DOCK5: variants seen among roughly 807,000 people sequenced by gnomAD.
DOCK5 encodes dedicator of cytokinesis protein 5.
In DOCK5, 142 loss-of-function variants were observed where a neutral mutation model predicts 251.8. That is an observed-to-expected ratio of 0.56 (90% confidence interval 0.49 to 0.65). DOCK5 has a LOEUF of 0.65. Ranked by LOEUF, DOCK5 falls within the 30% of genes least tolerant of loss-of-function variation. The pLI is 0.00. For synonymous variants in DOCK5, 842 were observed against 835.5 expected, an observed-to-expected ratio of 1.01 and a Z score of -0.13; for missense variants, 2,111 against 2,312.3, an observed-to-expected ratio of 0.91 and a Z score of 1.79.
At chr8:25,395,472 A>G (rs1251000372) in intron 44 of DOCK5, 71 bp from the exon 45 acceptor site, 1 of 1,503,842 alleles carries the variant, frequency 6.6e-7, no homozygotes, top group East Asian at 2.3e-5. Context: ...TCAAGGGAAG[A>G]GTTAAACTTT....
chr8:25,402,030 C>T (rs990152111), intron 47 of DOCK5, among the ~76,000 whole-genome samples: 5 of 152,194 alleles, frequency 3.3e-5, no homozygotes, highest in African/African-American at 1.2e-4. Flanking sequence ...AACCTTTTCT[C>T]TCCAGTGAGT....
intron 26 of DOCK5, among the ~76,000 whole-genome samples, chr8:25,350,804 AG>A (rs1331616599): frequency 6.6e-6 from 1 of 152,184 alleles, no homozygotes; most frequent in Non-Finnish European, 1.5e-5. Flanking sequence ...CCGTCAGTCC[AG>A]GGCCCCACCC....
rs1418193622 is a variant in DOCK5, at chr8:25,202,302, G to A, written c.43+17351G>A. Among the ~76,000 whole-genome samples, 3 of 152,182 alleles carry A rather than the reference G, an allele frequency of 2.0e-5. No homozygotes were observed. The East Asian group carries it at 5.8e-4, about 29-fold the overall frequency. On this transcript the variant is annotated intron_variant, in intron 1 of 51. Transcript: ENST00000276440. The stretch of plus-strand genomic sequence containing the variant: ...CAAACTGTTGGCATTACAGGTGTGA[G>A]CCACCGCACCCACCCCTGGAAAATA...
At chr8:25,374,686 G>A (rs898401931) in intron 37 of DOCK5, 32 bp downstream of exon 37, 1 of 1,613,680 alleles carries the variant, frequency 6.2e-7, no homozygotes, top group Non-Finnish European at 8.5e-7. Context: ...TTTCAACAGG[G>A]TGGAGTACAG....
At chr8:25,402,960 G>C (rs1801463421) in intron 47 of DOCK5, among the ~76,000 whole-genome samples, 1 of 152,134 alleles carries the variant, frequency 6.6e-6, no homozygotes, top group South Asian at 2.1e-4. Context: ...CTACTTAAGA[G>C]TTTTTCTAGG....
intron 1 of DOCK5, among the ~76,000 whole-genome samples, chr8:25,224,909 T>G (rs1057336250): frequency 3.9e-5 from 6 of 152,128 alleles, no homozygotes; most frequent in African/African-American, 1.4e-4. Context: ...ACCTCATAAC[T>G]CAATTAACAA....
intron 5 of DOCK5, among the ~76,000 whole-genome samples, chr8:25,278,876 A>T (rs919303003): frequency 3.3e-5 from 5 of 152,240 alleles, no homozygotes; most frequent in African/African-American, 1.2e-4. Flanking sequence ...TAATCATTCT[A>T]GCAGTCTTTT....
intron 4 of DOCK5, 85 bp downstream of exon 4, chr8:25,275,526 A>G: frequency 7.5e-7 from 1 of 1,326,476 alleles, no homozygotes; most frequent in East Asian, 2.4e-5. Flanking sequence ...TTAATGCCTT[A>G]TGTACGTTAA....
intron 6 of DOCK5, among the ~76,000 whole-genome samples, chr8:25,295,805 G>A (rs1239452315): frequency 6.7e-6 from 1 of 149,986 alleles, no homozygotes; most frequent in Non-Finnish European, 1.5e-5. Flanking sequence ...TAGGAGGTAT[G>A]TGTGTATGTA....
chr8:25,223,165 T>A (rs553943508), intron 1 of DOCK5, among the ~76,000 whole-genome samples: 8 of 152,286 alleles, frequency 5.3e-5, no homozygotes, highest in East Asian at 1.9e-4. Context: ...TTAAAAAAAA[T>A]TTTTGAAATC....
At chr8:25,214,832 CT>C (rs2117485046) in intron 1 of DOCK5, among the ~76,000 whole-genome samples, 1 of 152,312 alleles carries the variant, frequency 6.6e-6, no homozygotes, top group Non-Finnish European at 1.5e-5. Flanking sequence ...TCCCTGGCTG[CT>C]CCGCTGAGGT....
chr8:25,235,944 C>T (rs367982130), intron 1 of DOCK5, among the ~76,000 whole-genome samples: 1 of 151,736 alleles, frequency 6.6e-6, no homozygotes, highest in African/African-American at 2.4e-5. Flanking sequence ...ATAACAGGTG[C>T]GTGCTGCCAT....
In DOCK5 at chr8:25,321,011, G is replaced by T. The variant is rs2117200342; in HGVS notation, c.1574G>T (p.Cys525Phe). Residue 525 changes from cysteine to phenylalanine, a missense_variant, in exon 16 of 52, where the codon TGT (cysteine) becomes TTT (phenylalanine). Physicochemically the swap from Cys to Phe is radical, Grantham distance 205. Around this residue, in one of 3 missense-constraint regions of DOCK5, gnomAD observed 1,717 missense variants for 1,892.4 expected, o/e 0.91. Coordinates refer to ENST00000276440, the MANE Select transcript of DOCK5 (RefSeq NM_024940.8). ...ATTGCTATAGAAGAAGTCACACGCT[G>T]TCATATAAGATTTACCTTCCGACAC... is the stretch of plus-strand genomic sequence containing the variant. ...VSIAIEEVTR[C>F]HIRFTFRHRS... 3 of 1,613,560 alleles carry T rather than the reference G, an allele frequency of 1.9e-6. No homozygotes were observed. Among genetic ancestry groups the T allele is most frequent in the Non-Finnish European group, 2.5e-6 (3 of 1,179,750 alleles).
intron 20 of DOCK5, 45 bp from the exon 21 acceptor site, chr8:25,334,051 T>A: frequency 6.9e-7 from 1 of 1,454,654 alleles, no homozygotes; most frequent in Non-Finnish European, 9.7e-7. Context: ...GACAGAATAC[T>A]TGGGATTGTG....
In DOCK5 at chr8:25,317,018, A is replaced by G. The variant is rs1805268355; in HGVS notation, c.1330A>G (p.Asn444Asp). ...TTATCATGTTGCAGGAGATGTTCGG[A>G]ATGACATTTATGTCACCCTGATCCA... ...PEIILPGDVR[N>D]DIYVTLIHGE... Residue 444 changes from asparagine (N) to aspartate (D), a missense_variant, in exon 14 of 52, where the codon AAT (asparagine) becomes GAT (aspartate). By Grantham distance (23) the Asn-to-Asp change is conservative. Coordinates refer to ENST00000276440, the MANE Select transcript of DOCK5 (RefSeq NM_024940.8). 1.2e-6 allele frequency: 2 copies of G among 1,613,876 alleles called. No individual in the cohort carries two copies. Among genetic ancestry groups the G allele is most frequent in the Non-Finnish European group, 8.5e-7 (1 of 1,179,820 alleles).
At chr8:25,391,182 C>A (rs1319730879) in intron 42 of DOCK5, among the ~76,000 whole-genome samples, 1 of 149,828 alleles carries the variant, frequency 6.7e-6, no homozygotes, top group Non-Finnish European at 1.5e-5. Flanking sequence ...GTAGCTGGGA[C>A]ATACACCACC....
At chr8:25,236,279 G>A (rs183958269) in intron 1 of DOCK5, among the ~76,000 whole-genome samples, 2 of 152,294 alleles carry the variant, frequency 1.3e-5, no homozygotes, top group East Asian at 1.9e-4. Context: ...TGAGCAGAGA[G>A]GTGGCGTGAT....
rs1801675986 is a variant in DOCK5, at chr8:25,414,292, C to T, written c.*2994C>T. On this transcript the variant is annotated 3_prime_UTR_variant, in exon 52 of 52. Coordinates refer to ENST00000276440, the MANE Select transcript of DOCK5 (RefSeq NM_024940.8). ...AGCCCCAGTATACAAAGACAGTTCA[C>T]TCTGGTGTGCTGTAGGATTGGAAAG... The T allele has an allele frequency of 6.6e-6, 1 of 152,142 alleles. No individual in the cohort carries two copies. Among genetic ancestry groups the T allele is most frequent in the South Asian group, 2.1e-4 (1 of 4,830 alleles). 9.4% of individuals were successfully genotyped at this position (152,142 alleles called of 1,614,324 possible).
At chr8:25,252,047 T>G (rs1321931102) in intron 2 of DOCK5, among the ~76,000 whole-genome samples, 2 of 151,888 alleles carry the variant, frequency 1.3e-5, no homozygotes, top group Admixed American at 6.6e-5. Context: ...AGAGGCTTAA[T>G]CATCATCCTT....
Sources: gnomAD v4.1 joint callset for allele counts (sites outside exome capture counted in the v4.1 genomes callset) on GRCh38, gnomAD v4.1.1 for gene constraint, gnomAD v4.1.1 regional missense constraint, MANE v1.5 for transcripts, NCBI Gene and HGNC (gene_info 2026-07-23, HGNC 2026-07-21) for gene names.